The following DOCK7 variants were observed in gnomAD, a reference collection of about 807,000 sequenced individuals.
DOCK7 encodes dedicator of cytokinesis 7, also known as dedicator of cytokinesis protein 7.
In DOCK7, 138 loss-of-function variants were observed where a neutral mutation model predicts 271.0. The ratio of observed to expected loss-of-function variants is 0.51; its 90% CI spans 0.44 to 0.59. DOCK7 has a LOEUF of 0.59. DOCK7 is among the 20% of genes least tolerant of loss of function. DOCK7 has a pLI of 0.00. For missense variants in DOCK7, 2,066 were observed against 2,592.4 expected, an observed-to-expected ratio of 0.80 and a Z score of 4.41; for synonymous variants, 823 against 876.1, an observed-to-expected ratio of 0.94 and a Z score of 1.07.
chr1:62,622,415 A>C (rs1653376718), intron 12 of DOCK7, among the ~76,000 whole-genome samples: 1 of 152,008 alleles, frequency 6.6e-6, no homozygotes, highest in African/African-American at 2.4e-5. Flanking sequence ...TTTTTTTTAA[A>C]TATCTATGTA....
At chr1:62,461,468 C>A (rs2149230371) in intron 48 of DOCK7, among the ~76,000 whole-genome samples, 1 of 151,946 alleles carries the variant, frequency 6.6e-6, no homozygotes, top group Admixed American at 6.6e-5. Context: ...ACTGCTGGAG[C>A]CCAGGAGTGA....
intron 1 of DOCK7, among the ~76,000 whole-genome samples, chr1:62,686,568 TA>T (rs1369210434): frequency 1.3e-5 from 2 of 152,172 alleles, no homozygotes; most frequent in African/African-American, 4.8e-5. Context: ...CCTGTCATCA[TA>T]ACTCCCTGGG....
At chr1:62,597,846 G>T in intron 14 of DOCK7, 1 of 1,603,962 alleles carries the variant, frequency 6.2e-7, no homozygotes, top group Non-Finnish European at 8.5e-7. Flanking sequence ...TGAAATCAAA[G>T]AAGAAGAAAA....
chr1:62,554,749 T>C (rs1646082479), intron 21 of DOCK7, among the ~76,000 whole-genome samples: 1 of 152,146 alleles, frequency 6.6e-6, no homozygotes, highest in Non-Finnish European at 1.5e-5. Flanking sequence ...AATAAAACAG[T>C]AAATGGAGGA....
intron 38 of DOCK7, chr1:62,496,008 G>A: frequency 2.9e-6 from 1 of 348,828 alleles, no homozygotes; most frequent in Non-Finnish European, 5.1e-6. Context: ...TTACTAAAAG[G>A]TAGTTTGTAG....
At chr1:62,634,147 A>G (rs1654959927) in intron 9 of DOCK7, among the ~76,000 whole-genome samples, 1 of 152,148 alleles carries the variant, frequency 6.6e-6, no homozygotes, top group African/African-American at 2.4e-5. Flanking sequence ...AATTTCATTT[A>G]TAATACCATC....
Position 62,523,133 on chromosome 1 carries a change from A to C in DOCK7, c.3936+5018T>G, listed in dbSNP as rs918508520. Among the ~76,000 whole-genome samples the C allele has an allele frequency of 1.5e-4, 23 of 152,296 alleles. No individual in the cohort carries two copies. In the South Asian group the frequency reaches 4.6e-3, roughly 30 times the overall value. ...TCATAATTCAATACAATCTTAACTA[A>C]AATTTTAACAGGTTTATTGGTTTTT... is the stretch of plus-strand genomic sequence containing the variant. On this transcript the variant is annotated intron_variant, in intron 31 of 49. Transcript: ENST00000635253.
At chr1:62,485,821 G>A (rs1646275276) in intron 43 of DOCK7, 2 of 578,524 alleles carry the variant, frequency 3.5e-6, no homozygotes, top group Non-Finnish European at 2.2e-6. Context: ...TTTTACAAAG[G>A]AAAAGCAAAA....
intron 21 of DOCK7, among the ~76,000 whole-genome samples, chr1:62,554,300 G>A (rs575366983): frequency 2.0e-5 from 3 of 151,596 alleles, no homozygotes; most frequent in South Asian, 4.2e-4. Context: ...GTGAAACCCC[G>A]TCTCTACTAA....
At chr1:62,497,047 G>T (rs993568242) in intron 37 of DOCK7, among the ~76,000 whole-genome samples, 1 of 152,032 alleles carries the variant, frequency 6.6e-6, no homozygotes, top group African/African-American at 2.4e-5. Flanking sequence ...TCACTCTGAA[G>T]AGATTATTGG....
At chr1:62,507,568 T>C (rs1393004955) in intron 35 of DOCK7, among the ~76,000 whole-genome samples, 1 of 152,226 alleles carries the variant, frequency 6.6e-6, no homozygotes, top group Admixed American at 6.5e-5. Context: ...AACACAATGA[T>C]TATAGATAAA....
chr1:62,656,088 C>T (rs971163243), intron 2 of DOCK7, among the ~76,000 whole-genome samples: 4 of 152,096 alleles, frequency 2.6e-5, no homozygotes, highest in African/African-American at 4.8e-5. Context: ...AGCAATCCAA[C>T]AGGAAAAGAG....
At position 62,539,734 on chromosome 1, in the gene DOCK7, G is replaced by A; in HGVS notation, c.3186+18C>T. 1.9e-6 allele frequency: 3 copies of A among 1,611,164 alleles called. No individual in the cohort carries two copies. The East Asian group carries it at 6.7e-5, about 36-fold the overall frequency. On this transcript the variant is annotated intron_variant, in intron 26 of 49. Coordinates refer to ENST00000635253, the MANE Select transcript of DOCK7 (RefSeq NM_001367561.1). ...CTGAGCTTGAAAGAGAGATAAGTGG[G>A]GAAAAAGTTATCATTACCTTCTGAA...
chr1:62,636,528 T>A lies in DOCK7; in HGVS notation c.885+9A>T. 2.5e-6 allele frequency: 4 copies of A among 1,584,976 alleles called. No individual in the cohort carries two copies. The highest frequency in any genetic ancestry group is 3.4e-6 in the Non-Finnish European group (4 of 1,161,992). The stretch of plus-strand genomic sequence containing the variant: ...GACAAATAACTATGGTCAAATTATA[T>A]AATCTTACCTTTTTCTTTTCCTTGA... On this transcript the variant is annotated intron_variant, in intron 8 of 49. Coordinates refer to ENST00000635253, the MANE Select transcript of DOCK7 (RefSeq NM_001367561.1).
intron 7 of DOCK7, chr1:62,638,479 G>A (rs909492730): frequency 1.3e-5 from 2 of 150,270 alleles, no homozygotes; most frequent in African/African-American, 4.9e-5. Context: ...AAAATTTTGT[G>A]TATCATGGGA....
chr1:62,521,519 A>C (rs187094748), intron 31 of DOCK7, among the ~76,000 whole-genome samples: 77 of 152,300 alleles, frequency 5.1e-4, no homozygotes, highest in African/African-American at 1.5e-3. Context: ...GTCTGGTAAG[A>C]CTGATAAAGA....
intron 29 of DOCK7, among the ~76,000 whole-genome samples, chr1:62,531,574 G>A (rs1645175803): frequency 6.6e-6 from 1 of 152,148 alleles, no homozygotes; most frequent in African/African-American, 2.4e-5. Context: ...TAATCATAGT[G>A]TACTGTTTTG....
chr1:62,601,042 C>T (rs756669903), intron 14 of DOCK7: 7 of 1,151,442 alleles, frequency 6.1e-6, no homozygotes, highest in African/African-American at 1.5e-5. Flanking sequence ...ATTGTATATT[C>T]AGTATCATTT....
At chr1:62,481,703 G>T (rs1012437204) in intron 43 of DOCK7, 2 of 152,108 alleles carry the variant, frequency 1.3e-5, no homozygotes, top group African/African-American at 4.8e-5. Flanking sequence ...AATCCTCTGG[G>T]TGATAAGACT....
Sources: gnomAD v4.1 joint callset for allele counts (sites outside exome capture counted in the v4.1 genomes callset) on GRCh38, gnomAD v4.1.1 for gene constraint, MANE v1.5 for transcripts, NCBI Gene and HGNC (gene_info 2026-07-23, HGNC 2026-07-21) for gene names.